ABAT: variants seen among roughly 807,000 people sequenced by gnomAD.
ABAT encodes 4-aminobutyrate aminotransferase.
In ABAT, 45 loss-of-function variants were observed where a neutral mutation model predicts 64.6. The ratio of observed to expected loss-of-function variants is 0.70; its 90% confidence interval spans 0.55 to 0.89. The LOEUF (loss-of-function observed/expected upper bound fraction) is 0.89. ABAT is among the 40% of genes least tolerant of loss of function. ABAT has a pLI of 0.00. For missense variants in ABAT, 633 were observed against 658.4 expected (o/e 0.96, Z 0.42); for synonymous variants, 297 against 250.5 (o/e 1.19, Z -1.75).
At chr16:8,732,763 G>T (rs1192209665) in intron 1 of ABAT, among the ~76,000 whole-genome samples, 1 of 150,170 alleles carries the variant, frequency 6.7e-6, no homozygotes, top group African/African-American at 2.5e-5. Flanking sequence ...GGTGGTGGCC[G>T]GGCAGAGGGG....
intron 1 of ABAT, among the ~76,000 whole-genome samples, chr16:8,693,734 G>A (rs898342935): frequency 6.6e-6 from 1 of 152,186 alleles, no homozygotes; most frequent in African/African-American, 2.4e-5. Context: ...TTCCCAAAGT[G>A]CTGGGATTAC....
rs150418410 is a variant in ABAT at position 8,780,748 on chromosome 16, G to A, written c.1382-561G>A. 4.1e-3 allele frequency: 817 copies of A among 197,256 alleles called. 8 individuals carry two copies. The highest frequency in any genetic ancestry group is 6.8e-3 in the Non-Finnish European group (670 of 98,762). 12.2% of individuals were successfully genotyped at this position (197,256 alleles called of 1,614,324 possible). A position where few individuals can be genotyped will look rare whatever the true frequency, so the allele number is the denominator to read the frequency against. On this transcript the variant is annotated intron_variant, in intron 15 of 15. Transcript: ENST00000268251. ...ACTGCACCCCAGCCTGGGTGACAGC[G>A]CGAGACTCCATCTCTAAAAAAAAAA...
chr16:8,763,426 C>G (rs1349102775), intron 6 of ABAT, among the ~76,000 whole-genome samples: 1 of 152,204 alleles, frequency 6.6e-6, no homozygotes, highest in African/African-American at 2.4e-5. Context: ...CAGCACAAGT[C>G]AAGTCCTAAA....
At chr16:8,769,872 A>G (rs761467153) in intron 11 of ABAT, among the ~76,000 whole-genome samples, 1 of 152,176 alleles carries the variant, frequency 6.6e-6, no homozygotes, top group Non-Finnish European at 1.5e-5. Context: ...TTTGAACTCA[A>G]ATAAGGCTGC....
At chr16:8,751,457 C>T (rs976299655) in intron 5 of ABAT, among the ~76,000 whole-genome samples, 3 of 152,106 alleles carry the variant, frequency 2.0e-5, no homozygotes, top group Admixed American at 2.0e-4. Context: ...GGAAAGGAAA[C>T]AGCCTGGGGC....
chr16:8,735,885 G>C, intron 2 of ABAT, 76 bp downstream of exon 2: 1 of 1,337,026 alleles, frequency 7.5e-7, no homozygotes, highest in South Asian at 1.3e-5. Context: ...TGGGCTGGAA[G>C]AGCCCTTGGG....
At chr16:8,696,867 C>T (rs537430263) in intron 1 of ABAT, among the ~76,000 whole-genome samples, 1 of 152,274 alleles carries the variant, frequency 6.6e-6, no homozygotes, top group South Asian at 2.1e-4. Context: ...GTTAAGTGAA[C>T]ATTCATTGAT....
intron 1 of ABAT, among the ~76,000 whole-genome samples, chr16:8,692,671 C>T (rs1014427087): frequency 1.3e-5 from 2 of 152,156 alleles, no homozygotes; most frequent in Non-Finnish European, 2.9e-5. Context: ...CATGGTATGC[C>T]AAAGGTCACT....
At chr16:8,722,149 G>A (rs1258154379) in intron 1 of ABAT, among the ~76,000 whole-genome samples, 2 of 152,228 alleles carry the variant, frequency 1.3e-5, no homozygotes, top group African/African-American at 4.8e-5. Context: ...CCAGTCTCTA[G>A]GGAAAGGAGG....
At chr16:8,723,534 C>CAGACCAT (rs1349805715) in intron 1 of ABAT, among the ~76,000 whole-genome samples, 1 of 152,116 alleles carries the variant, frequency 6.6e-6, no homozygotes, top group African/African-American at 2.4e-5. Context: ...CCAGGGATCT[C>CAGACCAT]AGACCATAGG....
At chr16:8,719,934 C>T (rs1024620420) in intron 1 of ABAT, among the ~76,000 whole-genome samples, 24 of 152,304 alleles carry the variant, frequency 1.6e-4, no homozygotes, top group African/African-American at 5.5e-4. Flanking sequence ...GCCTCAGCCT[C>T]CCAAGTAGCT....
At chr16:8,714,140 T>A (rs969155595) in intron 1 of ABAT, among the ~76,000 whole-genome samples, 12 of 152,178 alleles carry the variant, frequency 7.9e-5, no homozygotes, top group Admixed American at 2.0e-4. Flanking sequence ...GACAAAATAA[T>A]GAAAGATGGA....
At chr16:8,736,016 T>A in intron 2 of ABAT, 1 of 562,316 alleles carries the variant, frequency 1.8e-6, no homozygotes, top group Non-Finnish European at 3.2e-6. Context: ...GGTTTAATGG[T>A]CTCACAGTTT....
rs142349669 is a variant in ABAT, at chr16:8,722,033, C to T, written c.-41-13666C>T. ...GCTATGTACCCTGACAATTCCTATT[C>T]TGTTTGATTTACTGATGGATTTAAA... On this transcript the variant is annotated intron_variant, in intron 1 of 15. Transcript: ENST00000268251. Among the ~76,000 whole-genome samples, 1,114 of 152,304 alleles carry T rather than the reference C, an allele frequency of 7.3e-3. 16 individuals are homozygous for T. Among genetic ancestry groups the T allele is most frequent in the African/African-American group, 0.025 (1,045 of 41,570 alleles).
chr16:8,721,617 T>C (rs1233156876), intron 1 of ABAT, among the ~76,000 whole-genome samples: 2 of 152,150 alleles, frequency 1.3e-5, no homozygotes, highest in African/African-American at 2.4e-5. Flanking sequence ...ACCGAAAGGA[T>C]CTATGGAAGG....
chr16:8,686,606 T>C (rs1398305787), intron 1 of ABAT, among the ~76,000 whole-genome samples: 1 of 152,038 alleles, frequency 6.6e-6, no homozygotes, highest in Non-Finnish European at 1.5e-5. Context: ...AGACAGGAAA[T>C]GGAAACTCAG....
chr16:8,681,123 AG>A (rs746570209), intron 1 of ABAT, among the ~76,000 whole-genome samples: 6 of 151,688 alleles, frequency 4.0e-5, no homozygotes, highest in Non-Finnish European at 8.8e-5. Flanking sequence ...CTGGCACAAC[AG>A]GTGCCACCAC....
At chr16:8,723,827 A>ATTTT (rs1157410078) in intron 1 of ABAT, among the ~76,000 whole-genome samples, 4 of 40,358 alleles carry the variant, frequency 9.9e-5, no homozygotes, top group South Asian at 1.2e-3. Flanking sequence ...ATATATATAT[A>ATTTT]TTTTTTTTTT....
At chr16:8,742,274 C>T (rs1057448324) in intron 2 of ABAT, among the ~76,000 whole-genome samples, 1 of 152,216 alleles carries the variant, frequency 6.6e-6, no homozygotes, top group African/African-American at 2.4e-5. Context: ...GCCGCAGCTC[C>T]CCCTGTGTAC....
Sources: allele counts gnomAD v4.1 joint callset (sites outside exome capture counted in the v4.1 genomes callset), GRCh38; gene constraint gnomAD v4.1.1; transcripts MANE v1.5; gene names NCBI Gene and HGNC (gene_info 2026-07-23, HGNC 2026-07-21).